THRB: variants seen among roughly 807,000 people sequenced by gnomAD.
The protein encoded by THRB is nuclear receptor subfamily 1 group A member 2.
Under a neutral mutation model 47.8 loss-of-function variants are expected in THRB, and 12 were observed. That is an observed-to-expected ratio of 0.25 (90% CI 0.16 to 0.41). The LOEUF (loss-of-function observed/expected upper bound fraction) is 0.41. THRB is among the 10% of genes least tolerant of loss of function. The pLI, the probability that THRB is intolerant of heterozygous loss-of-function variation, is 1.00. For missense variants in THRB, 348 were observed against 589.2 expected, an observed-to-expected ratio of 0.59 and a Z score of 4.24; for synonymous variants, 218 against 212.2, an observed-to-expected ratio of 1.03 and a Z score of -0.24.
intron 10 of THRB, among the ~76,000 whole-genome samples, chr3:24,123,948 G>C (rs2032200772): frequency 6.6e-6 from 1 of 152,208 alleles, no homozygotes; most frequent in Admixed American, 6.5e-5. Flanking sequence ...GGTGACACAA[G>C]GAGGCTGGGC....
intron 1 of THRB, among the ~76,000 whole-genome samples, chr3:24,443,459 T>C (rs757772958): frequency 6.6e-6 from 1 of 152,210 alleles, no homozygotes; most frequent in East Asian, 1.9e-4. Context: ...AAAATCTTTC[T>C]AATCATTACA....
intron 2 of THRB, among the ~76,000 whole-genome samples, chr3:24,307,699 AAAG>A (rs1488129640): frequency 5.3e-5 from 8 of 152,326 alleles, no homozygotes; most frequent in East Asian, 3.9e-4. Flanking sequence ...TTACTGCTGG[AAAG>A]AATATGAATA....
chr3:24,306,630 T>G (rs985433448), intron 2 of THRB, among the ~76,000 whole-genome samples: 1 of 148,390 alleles, frequency 6.7e-6, no homozygotes, highest in Non-Finnish European at 1.5e-5. Flanking sequence ...GATCTCAGGT[T>G]TTTTTTTTCT....
At chr3:24,432,891 T>G (rs1157146759) in intron 1 of THRB, among the ~76,000 whole-genome samples, 2 of 151,924 alleles carry the variant, frequency 1.3e-5, no homozygotes, top group Non-Finnish European at 2.9e-5. Context: ...TATGAGAGAA[T>G]GTTACCCTTT....
chr3:24,260,529 CT>C (rs1354715341), intron 3 of THRB, among the ~76,000 whole-genome samples: 2 of 152,234 alleles, frequency 1.3e-5, no homozygotes, highest in Admixed American at 1.3e-4. Context: ...CTTTCTCTGG[CT>C]TTCTCTTTAT....
rs1209284992 is a variant in THRB, at chr3:24,139,392, T to TTC, written c.738+4108_738+4109insGA. On this transcript the variant is annotated intron_variant, in intron 8 of 10. Coordinates refer to ENST00000646209, the MANE Select transcript of THRB (RefSeq NM_001354712.2). ...TTTCTTTCTTTTTCTTTTCTTTCTT[T>TTC]TTTTTTTTTGAGACATGGTTTTACT... is the stretch of plus-strand genomic sequence containing the variant. Among the ~76,000 whole-genome samples, 195 of 151,436 alleles carry TTC rather than the reference T, an allele frequency of 1.3e-3. 8 individuals are homozygous for TTC. The East Asian group carries it at 0.032, about 25-fold the overall frequency.
intron 3 of THRB, among the ~76,000 whole-genome samples, chr3:24,261,330 G>A (rs1177685396): frequency 1.3e-5 from 2 of 151,588 alleles, no homozygotes; most frequent in Admixed American, 6.6e-5. Flanking sequence ...GTGAAACCCC[G>A]TCTACTAAAA....
At chr3:24,380,522 T>C (rs17014605) in intron 1 of THRB, among the ~76,000 whole-genome samples, 53,678 of 151,982 alleles carry the variant, frequency 0.35, 11,735 homozygotes, top group South Asian at 0.49. Flanking sequence ...TCAAGTCCAT[T>C]CACTTTTCAC....
intron 4 of THRB, among the ~76,000 whole-genome samples, chr3:24,195,027 C>A (rs897835788): frequency 6.6e-6 from 1 of 152,162 alleles, no homozygotes; most frequent in Non-Finnish European, 1.5e-5. Context: ...GCTTTGTAAA[C>A]CCAGAGAGTG....
At chr3:24,290,577 C>G (rs746021929) in intron 3 of THRB, among the ~76,000 whole-genome samples, 6 of 152,160 alleles carry the variant, frequency 3.9e-5, no homozygotes, top group East Asian at 1.9e-4. Flanking sequence ...TCTCTGACAA[C>G]TCAATTCAGT....
chr3:24,180,188 GCAAA>G (rs1396658656), intron 5 of THRB, among the ~76,000 whole-genome samples: 15 of 152,170 alleles, frequency 9.9e-5, no homozygotes, highest in Admixed American at 9.8e-4. Flanking sequence ...CCAGAACTAG[GCAAA>G]CAAAGAGCTG....
chr3:24,360,073 T>TG (rs2063958469), intron 1 of THRB, among the ~76,000 whole-genome samples: 1 of 152,202 alleles, frequency 6.6e-6, no homozygotes, highest in Non-Finnish European at 1.5e-5. Context: ...CCCCTAAAGA[T>TG]GTGCTCCAGT....
At chr3:24,322,137 A>T in intron 2 of THRB, among the ~76,000 whole-genome samples, 1 of 152,344 alleles carries the variant, frequency 6.6e-6, no homozygotes, top group East Asian at 1.9e-4. Flanking sequence ...AGGCATATTT[A>T]TAATGTAAGA....
Position 24,269,810 on chromosome 3 carries a change from T to A in THRB, c.-43+27416A>T, listed in dbSNP as rs546090158. Among the ~76,000 whole-genome samples the A allele has an allele frequency of 1.2e-3, 190 of 152,280 alleles. 1 individual carries two copies. The highest frequency in any genetic ancestry group is 2.4e-3 in the Non-Finnish European group (162 of 68,020). On this transcript the variant is annotated intron_variant, in intron 3 of 10. Transcript: ENST00000646209. ...ACTATTTTATTCACCTTGACAAGTA[T>A]TTTGAGCAAGGAGATGCCCACTTTA...
At chr3:24,259,473 A>G (rs2051693409) in intron 3 of THRB, among the ~76,000 whole-genome samples, 1 of 152,200 alleles carries the variant, frequency 6.6e-6, no homozygotes, top group African/African-American at 2.4e-5. Context: ...TGCTTTGACG[A>G]GAGAGGAACA....
At chr3:24,318,335 G>C (rs532528027) in intron 2 of THRB, 2 of 152,392 alleles carry the variant, frequency 1.3e-5, no homozygotes, top group East Asian at 1.9e-4. Context: ...AACAACCTTC[G>C]AGAAACCTGC....
chr3:24,139,927 T>A (rs2035220896), intron 8 of THRB, among the ~76,000 whole-genome samples: 1 of 152,114 alleles, frequency 6.6e-6, no homozygotes, highest in Non-Finnish European at 1.5e-5. Context: ...ACATAAAAAA[T>A]AAATAACACG....
chr3:24,297,423 T>A (rs1559862913), intron 2 of THRB, 52 bp from the exon 3 acceptor site: 1 of 152,224 alleles, frequency 6.6e-6, no homozygotes, highest in East Asian at 1.9e-4. Context: ...ATTGTAGCAC[T>A]TAGTTGCTTT....
intron 1 of THRB, among the ~76,000 whole-genome samples, chr3:24,347,130 C>T (rs1362860086): frequency 6.6e-6 from 1 of 151,864 alleles, no homozygotes; most frequent in Non-Finnish European, 1.5e-5. Context: ...TTAAGCAGTA[C>T]CCTTCTAATT....
Sources: allele counts gnomAD v4.1 joint callset (sites outside exome capture counted in the v4.1 genomes callset), GRCh38; gene constraint gnomAD v4.1.1; transcripts MANE v1.5; gene names NCBI Gene and HGNC (gene_info 2026-07-23, HGNC 2026-07-21).